The following SP1 variants were observed in gnomAD, a reference collection of about 807,000 sequenced individuals.
SP1 encodes the protein Sp1 transcription factor, also known as transcription factor Sp1.
SP1 carries 6 observed loss-of-function variants against 66.3 expected under a neutral mutation model. The ratio of observed to expected loss-of-function variants is 0.09; its 90% CI spans 0.05 to 0.18. The LOEUF is 0.18. Ranked by LOEUF, SP1 falls within the 10% of genes least tolerant of loss-of-function variation. The pLI, the probability that SP1 is intolerant of heterozygous loss-of-function variation, is 1.00. For missense variants in SP1, 848 were observed against 964.5 expected (o/e 0.88, Z 1.60); for synonymous variants, 417 against 360.8 (o/e 1.16, Z -1.77).
At position 53,409,557 on chromosome 12, in the gene SP1, C is replaced by T. The variant is rs2136919979; in HGVS notation, c.2040C>T (p.His680=). The T allele has an allele frequency of 4.3e-6, 7 of 1,613,246 alleles. No individual in the cohort carries two copies. In the East Asian group the frequency reaches 8.9e-5, roughly 21 times the overall value. ...SDELQRHKRT[H]TGEKKFACPE... ...AGCTACAGAGGCACAAACGTACACACACAGGTGAGCAAGAGCCTATGGGAG... is the reference window on the plus strand; with the variant it reads ...AGCTACAGAGGCACAAACGTACACATACAGGTGAGCAAGAGCCTATGGGAG... The change falls in exon 5 of 6, where the codon CAC becomes CAT. Residue 680 remains histidine (H), a synonymous_variant. Coordinates refer to ENST00000327443, the MANE Select transcript of SP1 (RefSeq NM_138473.3).
chr12:53,393,779 G>A (rs1336582943), intron 3 of SP1, among the ~76,000 whole-genome samples: 1 of 151,400 alleles, frequency 6.6e-6, no homozygotes, highest in African/African-American at 2.4e-5. Flanking sequence ...TGTATTTTTA[G>A]TAGAGACGGG....
Position 53,406,766 on chromosome 12 carries a change from A to G in SP1, c.1844+13A>G. ...ACAGTGAAGGAAGGTGAGTTGACCC[A>G]GCCAGTTTCTTACAAATATAAAGAA... On this transcript the variant is annotated intron_variant, in intron 4 of 5. Coordinates refer to ENST00000327443, the MANE Select transcript of SP1 (RefSeq NM_138473.3). 1.3e-6 allele frequency: 2 copies of G among 1,597,498 alleles called. No homozygotes were observed. Among genetic ancestry groups the G allele is most frequent in the Non-Finnish European group, 1.7e-6 (2 of 1,171,898 alleles).
At chr12:53,408,632 T>C (rs941907068) in intron 4 of SP1, among the ~76,000 whole-genome samples, 1 of 146,788 alleles carries the variant, frequency 6.8e-6, no homozygotes, top group Non-Finnish European at 1.5e-5. Context: ...CTTGGCCGGG[T>C]GCGGTGGCTC....
At chr12:53,386,216 C>A (rs554236030) in intron 3 of SP1, among the ~76,000 whole-genome samples, 1 of 151,976 alleles carries the variant, frequency 6.6e-6, no homozygotes, top group Admixed American at 6.6e-5. Context: ...AGCAGTCTAA[C>A]TTCCTAGACT....
chr12:53,408,230 A>T (rs1938793232), intron 4 of SP1, among the ~76,000 whole-genome samples: 1 of 127,868 alleles, frequency 7.8e-6, no homozygotes, highest in Non-Finnish European at 1.7e-5. Context: ...TGGGCGACAG[A>T]GTGAGACTCT....
rs990017180 is a variant in SP1 at position 53,402,689 on chromosome 12, G to A, written c.1676-3896G>A. 2.7e-5 allele frequency among the ~76,000 whole-genome samples: 4 copies of A among 150,336 alleles called. No homozygotes were observed. The East Asian group carries it at 6.0e-4, about 23-fold the overall frequency. On this transcript the variant is annotated intron_variant, in intron 3 of 5. Coordinates refer to ENST00000327443, the MANE Select transcript of SP1 (RefSeq NM_138473.3). ...CCCTGTCTCTACTAAAAATGCAGCC[G>A]GGTGCAGTGGCTCACACCTGTAATC...
At chr12:53,384,943 C>T (rs1422925095) in intron 3 of SP1, among the ~76,000 whole-genome samples, 1 of 150,146 alleles carries the variant, frequency 6.7e-6, no homozygotes, top group Non-Finnish European at 1.5e-5. Flanking sequence ...CAAGATTGCA[C>T]CACTGCACTC....
At chr12:53,405,681 AAG>A (rs996844251) in intron 3 of SP1, among the ~76,000 whole-genome samples, 16 of 147,798 alleles carry the variant, frequency 1.1e-4, no homozygotes, top group Non-Finnish European at 2.1e-4. Context: ...AAGGAAAGAA[AAG>A]AGAGAGAGAG....
At position 53,383,038 on chromosome 12, in the gene SP1, G is replaced by T. The variant is rs1289026184; in HGVS notation, c.1091G>T (p.Gly364Val). 1 of 1,614,150 alleles carries T rather than the reference G, an allele frequency of 6.2e-7. No homozygotes were observed. The highest frequency in any genetic ancestry group is 1.3e-5 in the African/African-American group (1 of 75,050). The change falls in exon 3 of 6, where the codon GGG becomes GTG. Residue 364 changes from glycine to valine, a missense_variant. By Grantham distance (109) the Gly-to-Val change is moderately radical (BLOSUM62 -3). Coordinates refer to ENST00000327443, the MANE Select transcript of SP1 (RefSeq NM_138473.3). ...CCCCAGAGGGTCAGTGGGCTACAGG[G>T]GTCTGATGCTCTGAACATCCAGCAA... ...QTPQRVSGLQ[G>V]SDALNIQQNQ...
intron 3 of SP1, among the ~76,000 whole-genome samples, chr12:53,394,816 G>A (rs1045186788): frequency 2.6e-5 from 4 of 151,270 alleles, no homozygotes; most frequent in Non-Finnish European, 5.9e-5. Context: ...GGTTTTCACC[G>A]TGTTAGCCAG....
intron 3 of SP1, among the ~76,000 whole-genome samples, chr12:53,389,744 G>A (rs558620256): frequency 9.9e-5 from 15 of 151,498 alleles, no homozygotes; most frequent in African/African-American, 1.5e-4. Context: ...TTTCTTAGCC[G>A]CTGCTGAATC....
chr12:53,380,741 C>T, intron 1 of SP1: 2 of 714,096 alleles, frequency 2.8e-6, no homozygotes, highest in Non-Finnish European at 3.4e-6. Context: ...TCCCTTCCCC[C>T]CCGCCCCCCA....
At position 53,382,827 on chromosome 12, in the gene SP1, A is replaced by G; in HGVS notation, c.880A>G (p.Ser294Gly). 2 of 1,614,104 alleles carry G rather than the reference A, an allele frequency of 1.2e-6. No individual in the cohort carries two copies. The highest frequency in any genetic ancestry group is 1.7e-6 in the Non-Finnish European group (2 of 1,179,968). Reference protein sequence around the residue: ...VTISSSGSQESGSQPVTSGTT... With the variant: ...VTISSSGSQEGGSQPVTSGTT... Reference sequence around the variant, plus strand: ...GATCAGCAGCTCTGGGTCCCAGGAGAGTGGCTCACAGCCTGTCACCTCAGG... The same window carrying G: ...GATCAGCAGCTCTGGGTCCCAGGAGGGTGGCTCACAGCCTGTCACCTCAGG... Residue 294 changes from serine to glycine, a missense_variant, in exon 3 of 6, where the codon AGT (serine) becomes GGT (glycine). Ser to Gly is a moderately conservative substitution (Grantham distance 56, BLOSUM62 0). Around this residue, in one of 7 missense-constraint regions of SP1, gnomAD observed 606 missense variants for 589.9 expected, o/e 1.03. Coordinates refer to ENST00000327443, the MANE Select transcript of SP1 (RefSeq NM_138473.3).
Position 53,412,965 on chromosome 12 carries a change from T to A in SP1, c.*1725T>A, listed in dbSNP as rs1938925448. 6.8e-6 allele frequency: 1 copy of A among 146,164 alleles called. No homozygotes were observed. Among genetic ancestry groups the A allele is most frequent in the Non-Finnish European group, 1.5e-5 (1 of 66,716 alleles). 9.1% of individuals were successfully genotyped at this position (146,164 alleles called of 1,614,324 possible). On this transcript the variant is annotated 3_prime_UTR_variant, in exon 6 of 6. Coordinates refer to ENST00000327443, the MANE Select transcript of SP1 (RefSeq NM_138473.3). ...GTGTGTGTGTGTGTGTGTGTGTGTG[T>A]GTAATCTGTTAGGTTGGGGATAGGT...
intron 3 of SP1, among the ~76,000 whole-genome samples, chr12:53,397,610 G>A (rs1938519740): frequency 7.2e-6 from 1 of 139,618 alleles, no homozygotes; most frequent in Admixed American, 7.6e-5. Flanking sequence ...TTTTTGAGAT[G>A]GAGTCCTGCT....
chr12:53,387,081 G>A (rs1024122495), intron 3 of SP1, among the ~76,000 whole-genome samples: 1 of 151,804 alleles, frequency 6.6e-6, no homozygotes, highest in African/African-American at 2.4e-5. Flanking sequence ...CTCCCGAGTA[G>A]CTGGGATTAC....
intron 3 of SP1, among the ~76,000 whole-genome samples, chr12:53,405,773 G>A (rs938587541): frequency 3.9e-5 from 6 of 152,034 alleles, no homozygotes; most frequent in East Asian, 1.9e-4. Context: ...TACCAATGCC[G>A]TATGTTATTA....
At chr12:53,400,764 T>C (rs1273363133) in intron 3 of SP1, among the ~76,000 whole-genome samples, 1 of 145,484 alleles carries the variant, frequency 6.9e-6, no homozygotes, top group Non-Finnish European at 1.5e-5. Context: ...AATTTTTTTT[T>C]TTTTTTTTTT....
intron 3 of SP1, among the ~76,000 whole-genome samples, chr12:53,392,430 C>T (rs1054463712): frequency 6.8e-6 from 1 of 146,022 alleles, no homozygotes; most frequent in Admixed American, 6.9e-5. Flanking sequence ...GATCTCGGCT[C>T]ACTGCAAGCT....
Sources: allele counts gnomAD v4.1 joint callset (sites outside exome capture counted in the v4.1 genomes callset), GRCh38; gene constraint gnomAD v4.1.1; regional missense constraint gnomAD v4.1.1; transcripts MANE v1.5; gene names NCBI Gene and HGNC (gene_info 2026-07-23, HGNC 2026-07-21).